Variants in TTC12 observed in about 807,000 individuals in gnomAD.
TTC12 encodes the protein tetratricopeptide repeat domain 12, also known as tetratricopeptide repeat protein 12.
TTC12 carries 70 observed loss-of-function variants against 90.1 expected under a neutral mutation model. The observed-to-expected ratio is 0.78, with a 90% CI of 0.64 to 0.95. The LOEUF is 0.95. Ranked by LOEUF, TTC12 falls within the 40% of genes least tolerant of loss-of-function variation. The pLI is 0.00. For missense variants in TTC12, 819 were observed against 846.1 expected (o/e 0.97, Z 0.40); for synonymous variants, 296 against 311.5 (o/e 0.95, Z 0.53).
At chr11:113,356,617 G>C (rs782066413) in intron 16 of TTC12, among the ~76,000 whole-genome samples, 1 of 152,180 alleles carries the variant, frequency 6.6e-6, no homozygotes, top group African/African-American at 2.4e-5. Flanking sequence ...TTCTTCAGGA[G>C]CTCTGGTATG....
rs1947953124 is a variant in TTC12 at position 113,330,084 on chromosome 11, G to T, written c.504+105G>T. 5.7e-6 allele frequency: 5 copies of T among 883,056 alleles called. No homozygotes were observed. In the South Asian group the frequency reaches 6.9e-5, roughly 12 times the overall value. The allele number at this position is 883,056 out of a possible 1,614,324, so 54.7% of individuals were successfully genotyped here. A position where few individuals can be genotyped will look rare whatever the true frequency, so the allele number is the denominator to read the frequency against. ...AAAGGGTATAGCCTCTGTAGCCAGA[G>T]CTTCAGTTTCCTCATCTGTAGAATG... On this transcript the variant is annotated intron_variant, in intron 7 of 21. Coordinates refer to ENST00000529221, the MANE Select transcript of TTC12 (RefSeq NM_017868.4).
chr11:113,323,853 A>T, intron 3 of TTC12, 141 bp from the exon 4 acceptor site: 1 of 639,524 alleles, frequency 1.6e-6, no homozygotes. Flanking sequence ...AAGCCCCATG[A>T]ATTCTGAGCC....
At position 113,344,281 on chromosome 11, in the gene TTC12, A is replaced by G. The variant is rs139763410; in HGVS notation, c.995A>G (p.Gln332Arg). 12 of 1,611,798 alleles carry G rather than the reference A, an allele frequency of 7.4e-6. No individual in the cohort carries two copies. Among genetic ancestry groups the G allele is most frequent in the Non-Finnish European group, 1.0e-5 (12 of 1,178,642 alleles). ...QAVCSRNEEN[Q>R]RVLVIHHDRA... The stretch of plus-strand genomic sequence containing the variant: ...CCTCTGTGTTTTGCAGAGGAAAACC[A>G]GCGTGTGCTAGTGATACACCATGAC... The change falls in exon 13 of 22, where the codon CAG (glutamine) becomes CGG (arginine). Residue 332 changes from glutamine (Q) to arginine (R), a missense_variant. Gln to Arg is a conservative substitution (Grantham distance 43). Transcript: ENST00000529221.
intron 16 of TTC12, among the ~76,000 whole-genome samples, chr11:113,358,045 G>T (rs1316611283): frequency 6.6e-6 from 1 of 152,208 alleles, no homozygotes; most frequent in Non-Finnish European, 1.5e-5. Context: ...TGTGTGTGTG[G>T]TCATGCTGAA....
chr11:113,366,082 T>A, intron 21 of TTC12, 143 bp from the exon 22 acceptor site: 1 of 830,418 alleles, frequency 1.2e-6, no homozygotes, highest in Non-Finnish European at 1.9e-6. Flanking sequence ...GGTACCCCAA[T>A]GCCACAGCCA....
intron 2 of TTC12, among the ~76,000 whole-genome samples, chr11:113,320,219 G>A (rs1427699618): frequency 6.6e-6 from 1 of 152,030 alleles, no homozygotes; most frequent in Non-Finnish European, 1.5e-5. Context: ...CCCTCAAGCC[G>A]GGAGATCTGC....
intron 12 of TTC12, among the ~76,000 whole-genome samples, chr11:113,343,592 G>C (rs1365999830): frequency 6.6e-6 from 1 of 152,166 alleles, no homozygotes; most frequent in East Asian, 1.9e-4. Flanking sequence ...AGAAAGCCAA[G>C]GGTGATGAGG....
chr11:113,317,473 CAG>C (rs1199016741), intron 2 of TTC12, among the ~76,000 whole-genome samples: 1 of 152,152 alleles, frequency 6.6e-6, no homozygotes, highest in African/African-American at 2.4e-5. Flanking sequence ...CCATCCTCTC[CAG>C]CCCTCCCTTT....
chr11:113,338,275 G>A (rs1565593912), intron 8 of TTC12, among the ~76,000 whole-genome samples: 1 of 152,144 alleles, frequency 6.6e-6, no homozygotes, highest in African/African-American at 2.4e-5. Context: ...TTTTCCAGCT[G>A]ACTCTTATGT....
At position 113,360,051 on chromosome 11, in the gene TTC12, CTTGTT is replaced by C. The variant is rs71060300; in HGVS notation, c.1614+66_1614+70del. On this transcript the variant is annotated intron_variant, in intron 18 of 21. Coordinates refer to ENST00000529221, the MANE Select transcript of TTC12 (RefSeq NM_017868.4). ...AAATCCAGAAGCAGCTTCCATTGTT[CTTGTT>C]TTGTTTTGTTTTGTTTTGTTTTATT... The C allele has an allele frequency of 2.7e-3, 2,833 of 1,054,336 alleles. 16 individuals carry two copies. The highest frequency in any genetic ancestry group is 3.5e-3 in the Non-Finnish European group (2,450 of 696,794). The allele number at this position is 1,054,336 out of a possible 1,614,324, so 65.3% of individuals were successfully genotyped here.
chr11:113,340,274 A>G (rs1328568824), intron 10 of TTC12, among the ~76,000 whole-genome samples: 1 of 152,268 alleles, frequency 6.6e-6, no homozygotes, highest in Non-Finnish European at 1.5e-5. Flanking sequence ...TGGAGATTAT[A>G]AATTCCTCTC....
At chr11:113,360,485 T>G (rs558087572) in intron 18 of TTC12, among the ~76,000 whole-genome samples, 5 of 152,226 alleles carry the variant, frequency 3.3e-5, no homozygotes, top group African/African-American at 1.2e-4. Context: ...TTACCCTCTT[T>G]TTAAAATATA....
chr11:113,341,623 C>T (rs1298665313), intron 11 of TTC12: 15 of 551,610 alleles, frequency 2.7e-5, no homozygotes, highest in Non-Finnish European at 9.8e-6. Context: ...GCTCACTGCC[C>T]AGCCTCTGTG....
At chr11:113,323,164 T>C in intron 2 of TTC12, 124 bp from the exon 3 acceptor site, 1 of 636,046 alleles carries the variant, frequency 1.6e-6, no homozygotes, top group Non-Finnish European at 2.4e-6. Flanking sequence ...TGCTCTATTT[T>C]GCTTTCTATT....
chr11:113,323,639 C>T (rs576737948), intron 3 of TTC12, among the ~76,000 whole-genome samples, 188 bp downstream of exon 3: 16 of 151,944 alleles, frequency 1.1e-4, no homozygotes, highest in East Asian at 3.9e-4. Context: ...CTTTAAACAA[C>T]CCTTTGGATC....
In TTC12 at chr11:113,354,871, G is replaced by GCC. The variant is rs1205673149; in HGVS notation, c.1446+2664_1446+2665insCC. ...AGATTCAGTTTGCCAGTATTTTGTT[G>GCC]AGGATATTTGCATGAATCTTAATCA... On this transcript the variant is annotated intron_variant, in intron 16 of 21. Coordinates refer to ENST00000529221, the MANE Select transcript of TTC12 (RefSeq NM_017868.4). Among the ~76,000 whole-genome samples, 706 of 152,278 alleles carry GCC rather than the reference G, an allele frequency of 4.6e-3. 3 individuals carry two copies. The highest frequency in any genetic ancestry group is 0.016 in the African/African-American group (664 of 41,536).
At chr11:113,329,098 G>A (rs141989503) in intron 6 of TTC12, among the ~76,000 whole-genome samples, 9 of 152,252 alleles carry the variant, frequency 5.9e-5, no homozygotes, top group Middle Eastern at 3.4e-3. Context: ...ACATTCATGT[G>A]TAAGCATTTG....
chr11:113,368,556 A>T (rs1950288421), downstream of TTC12: 2 of 1,459,768 alleles, frequency 1.4e-6, no homozygotes, highest in Admixed American at 2.0e-5. Flanking sequence ...CACCATCCTG[A>T]AGCCACAGCA....
chr11:113,338,486 A>G lies in TTC12; in HGVS notation c.577-288A>G, dbSNP rs75929615. 5.4e-3 allele frequency among the ~76,000 whole-genome samples: 822 copies of G among 152,342 alleles called. 11 individuals are homozygous for G. The highest frequency in any genetic ancestry group is 0.019 in the African/African-American group (788 of 41,580). ...TTGCGTTTACTTTATGATTATTTCT[A>G]TCCCAGACAGACATGATCCACAAGA... On this transcript the variant is annotated intron_variant, in intron 8 of 21. Coordinates refer to ENST00000529221, the MANE Select transcript of TTC12 (RefSeq NM_017868.4).
Sources: gnomAD v4.1 joint callset for allele counts (sites outside exome capture counted in the v4.1 genomes callset) on GRCh38, gnomAD v4.1.1 for gene constraint, MANE v1.5 for transcripts, NCBI Gene and HGNC (gene_info 2026-07-23, HGNC 2026-07-21) for gene names.